ADAMTS10: variants seen among roughly 807,000 people sequenced by gnomAD.
ADAMTS10 encodes the protein ADAM metallopeptidase with thrombospondin type 1 motif 10, also known as A disintegrin and metalloproteinase with thrombospondin motifs 10.
ADAMTS10 carries 48 observed loss-of-function variants against 135.9 expected under a neutral mutation model. The observed-to-expected ratio is 0.35, with a 90% CI of 0.28 to 0.45. The LOEUF (loss-of-function observed/expected upper bound fraction) is 0.45. Among genes scored for constraint, ADAMTS10 ranks in the 20% least tolerant of loss-of-function variants. The pLI is 1.00. For synonymous variants in ADAMTS10, 621 were observed against 647.5 expected, an observed-to-expected ratio of 0.96 and a Z score of 0.62; for missense variants, 1,131 against 1,565.2, an observed-to-expected ratio of 0.72 and a Z score of 4.68.
intron 13 of ADAMTS10, 56 bp downstream of exon 13, chr19:8,592,707 A>T: frequency 6.5e-7 from 1 of 1,535,256 alleles, no homozygotes; most frequent in Non-Finnish European, 8.8e-7. Flanking sequence ...GGCGTGGCCA[A>T]CGCGGGAGGT....
chr19:8,599,280 CTG>C (rs1175781136), intron 6 of ADAMTS10, among the ~76,000 whole-genome samples: 1 of 152,074 alleles, frequency 6.6e-6, no homozygotes, highest in Non-Finnish European at 1.5e-5. Context: ...GGATGTGTGC[CTG>C]TGTGTGTACT....
intron 4 of ADAMTS10, among the ~76,000 whole-genome samples, chr19:8,604,539 T>A (rs1401397300): frequency 2.6e-5 from 4 of 151,206 alleles, no homozygotes; most frequent in African/African-American, 9.7e-5. Flanking sequence ...TGGAGGGCAG[T>A]GTTGTGATCT....
chr19:8,591,966 G>A lies in ADAMTS10; in HGVS notation c.1725C>T (p.Asp575=). 1.2e-6 allele frequency: 2 copies of A among 1,613,438 alleles called. No homozygotes were observed. The highest frequency in any genetic ancestry group is 1.1e-5 in the South Asian group (1 of 91,064). Residue 575 remains aspartate (D), a synonymous_variant, in exon 14 of 26, where the codon GAC becomes GAT. Coordinates refer to ENST00000597188, the MANE Select transcript of ADAMTS10 (RefSeq NM_030957.4). The part of the protein sequence containing the change: ...GGVSSSSRHC[D]SPRPTIGGKY... ...GGGTCCTGAGGGCTGACCTGGGGCT[G>A]TCGCAGTGACGGCTAGAAGAGGACA... is the stretch of plus-strand genomic sequence containing the variant.
At chr19:8,590,364 C>T (rs999934567) in intron 15 of ADAMTS10, among the ~76,000 whole-genome samples, 1 of 152,190 alleles carries the variant, frequency 6.6e-6, no homozygotes, top group Non-Finnish European at 1.5e-5. Flanking sequence ...ACCTCCATCT[C>T]CTGGGTTCAA....
rs979468533 is a variant in ADAMTS10 at position 8,584,986 on chromosome 19, C to T, written c.3111G>A (p.Ala1037=). The T allele has an allele frequency of 1.3e-6, 2 of 1,544,336 alleles. No individual in the cohort carries two copies. Among genetic ancestry groups the T allele is most frequent in the Non-Finnish European group, 1.7e-6 (2 of 1,145,658 alleles). ...SVRCTSHTGQ[A]SHECTEALRP... ...GCAGGGCCTCCGTGCACTCGTGCGA[C>T]GCCTGGCCCGTGTGGCTGGTGCAGC... Residue 1037 remains alanine (A), a synonymous_variant, in exon 25 of 26, where the codon GCG becomes GCA. Transcript: ENST00000597188.
intron 5 of ADAMTS10, among the ~76,000 whole-genome samples, chr19:8,602,980 A>G (rs2042682617): frequency 6.6e-6 from 1 of 152,170 alleles, no homozygotes; most frequent in African/African-American, 2.4e-5. Context: ...GTTGGTGTAT[A>G]GCTTTCCTTC....
At chr19:8,590,381 C>A (rs1408508825) in intron 15 of ADAMTS10, among the ~76,000 whole-genome samples, 2 of 152,212 alleles carry the variant, frequency 1.3e-5, no homozygotes, top group Non-Finnish European at 2.9e-5. Flanking sequence ...TCAAGCAATT[C>A]TTCTGCCTCA....
chr19:8,600,164 A>G (rs1305444486), intron 6 of ADAMTS10, among the ~76,000 whole-genome samples: 1 of 152,180 alleles, frequency 6.6e-6, no homozygotes, highest in Non-Finnish European at 1.5e-5. Flanking sequence ...ACTGCATGCC[A>G]AGAACTGTTC....
At chr19:8,581,497 C>G (rs1555735863) in intron 25 of ADAMTS10, 1 of 152,576 alleles carries the variant, frequency 6.6e-6, no homozygotes, top group Non-Finnish European at 1.5e-5. Context: ...TGAGACCAGC[C>G]TGGGCAACAT....
intron 15 of ADAMTS10, among the ~76,000 whole-genome samples, chr19:8,590,887 C>T (rs1452603136): frequency 6.6e-6 from 1 of 152,194 alleles, no homozygotes; most frequent in Non-Finnish European, 1.5e-5. Context: ...TGAGCCACTG[C>T]ACCTGGCCAC....
intron 25 of ADAMTS10, among the ~76,000 whole-genome samples, chr19:8,582,241 G>A (rs566389890): frequency 2.6e-5 from 4 of 152,078 alleles, no homozygotes; most frequent in Admixed American, 2.0e-4. Context: ...AGGCTGAGTC[G>A]GGCGGATCAT....
intron 1 of ADAMTS10, among the ~76,000 whole-genome samples, chr19:8,609,188 G>A (rs2042753872): frequency 6.7e-6 from 1 of 149,120 alleles, no homozygotes; most frequent in African/African-American, 2.5e-5. Flanking sequence ...GTGTGATTGT[G>A]AGCGTGTGAC....
intron 11 of ADAMTS10, 50 bp from the exon 12 acceptor site, chr19:8,595,953 G>C (rs2042598644): frequency 1.9e-6 from 3 of 1,613,962 alleles, no homozygotes; most frequent in South Asian, 2.2e-5. Flanking sequence ...CAAATCAAGA[G>C]CTCAGGAGCC....
chr19:8,586,509 GGA>G, intron 20 of ADAMTS10, 39 bp from the exon 21 acceptor site: 1 of 1,613,146 alleles, frequency 6.2e-7, no homozygotes, highest in South Asian at 1.1e-5. Context: ...AGGATCGCAT[GGA>G]GTCTCTAATT....
At chr19:8,607,747 C>T (rs1306979926) in intron 2 of ADAMTS10, among the ~76,000 whole-genome samples, 1 of 151,928 alleles carries the variant, frequency 6.6e-6, no homozygotes, top group Non-Finnish European at 1.5e-5. Flanking sequence ...CACAGATATT[C>T]TGTGACCCCT....
At position 8,596,557 on chromosome 19, in the gene ADAMTS10, G is replaced by T; in HGVS notation, c.1069C>A (p.Pro357Thr). The T allele has an allele frequency of 6.2e-7, 1 of 1,613,754 alleles. No homozygotes were observed. Among genetic ancestry groups the T allele is most frequent in the Non-Finnish European group, 8.5e-7 (1 of 1,179,996 alleles). The change falls in exon 9 of 26, where the codon CCC becomes ACC. Residue 357 changes from proline (P) to threonine (T), a missense_variant. Coordinates refer to ENST00000597188, the MANE Select transcript of ADAMTS10 (RefSeq NM_030957.4). This position sits in a 1 kb window ranked among gnomAD's most constrained non-coding sequence, Gnocchi z 7.2. Reference sequence around the variant, plus strand: ...GCTCGGGTACCTAGTGTGCCGCAGGGTTTGTTCTTGTAGATGCAGATGTCA... The same window carrying T: ...GCTCGGGTACCTAGTGTGCCGCAGGTTTTGTTCTTGTAGATGCAGATGTCA... The part of the protein sequence containing the change: ...RYDICIYKNK[P>T]CGTLGLAPVG...
Position 8,586,148 on chromosome 19 carries a change from G to A in ADAMTS10, c.2634C>T (p.Ala878=). The A allele has an allele frequency of 6.2e-7, 1 of 1,613,102 alleles. No homozygotes were observed. The highest frequency in any genetic ancestry group is 8.5e-7 in the Non-Finnish European group (1 of 1,180,018). Residue 878 remains alanine (A), a synonymous_variant, in exon 22 of 26, where the codon GCC becomes GCT. Transcript: ENST00000597188. ...CTGGAGGGCAAGGCTCCGTGTTGCA[G>A]GCGCGCTGCCTTTTGGGCAGCTTGC... is the stretch of plus-strand genomic sequence containing the variant. The part of the protein sequence containing the change: ...AHSKLPKRQR[A]CNTEPCPPDW...
rs548941444 is a variant in ADAMTS10, at chr19:8,580,686, C to A, written c.*207G>T. On this transcript the variant is annotated 3_prime_UTR_variant, in exon 26 of 26. Transcript: ENST00000597188. ...GTCTCACTATGTGAACTGGAAGGGG[C>A]GGATGCTGAAGAGGGGCTCTGGGGG... 1.8e-6 allele frequency: 1 copy of A among 564,698 alleles called. No individual in the cohort carries two copies. The highest frequency in any genetic ancestry group is 3.2e-6 in the Non-Finnish European group (1 of 315,138). 35.0% of individuals were successfully genotyped at this position (564,698 alleles called of 1,614,324 possible). A position where few individuals can be genotyped will look rare whatever the true frequency, so the allele number is the denominator to read the frequency against.
intron 15 of ADAMTS10, among the ~76,000 whole-genome samples, chr19:8,590,700 T>C (rs1427714758): frequency 1.3e-5 from 2 of 152,176 alleles, no homozygotes; most frequent in Non-Finnish European, 2.9e-5. Context: ...CCTCAGGTGA[T>C]TGACCCGCCT....
Sources: gnomAD v4.1 joint callset for allele counts (sites outside exome capture counted in the v4.1 genomes callset) on GRCh38, gnomAD v4.1.1 for gene constraint, Gnocchi (gnomAD v3.1) non-coding constraint, MANE v1.5 for transcripts, NCBI Gene and HGNC (gene_info 2026-07-23, HGNC 2026-07-21) for gene names.